XYLT1: variants seen among roughly 807,000 people sequenced by gnomAD.
XYLT1 encodes beta-D-xylosyltransferase 1.
In XYLT1, 36 loss-of-function variants were observed where a neutral mutation model predicts 91.3. That is an observed-to-expected ratio of 0.39 (90% CI 0.30 to 0.52). The LOEUF (loss-of-function observed/expected upper bound fraction) is 0.52. Ranked by LOEUF, XYLT1 falls within the 20% of genes least tolerant of loss-of-function variation. XYLT1 has a pLI of 0.68. For missense variants in XYLT1, 1,242 were observed against 1,284.5 expected, an observed-to-expected ratio of 0.97 and a Z score of 0.51; for synonymous variants, 588 against 532.0, an observed-to-expected ratio of 1.11 and a Z score of -1.45.
At chr16:17,137,326 C>T (rs2030772111) in intron 8 of XYLT1, among the ~76,000 whole-genome samples, 1 of 152,176 alleles carries the variant, frequency 6.6e-6, no homozygotes, top group Non-Finnish European at 1.5e-5. Context: ...GGAGATCAAA[C>T]ACAAACAAAC....
At chr16:17,334,676 A>G (rs1312694406) in intron 2 of XYLT1, among the ~76,000 whole-genome samples, 6 of 152,168 alleles carry the variant, frequency 3.9e-5, no homozygotes, top group African/African-American at 1.4e-4. Flanking sequence ...TTAAAAAAAG[A>G]TCTACTATTA....
At chr16:17,405,795 G>A (rs1163027465) in intron 1 of XYLT1, among the ~76,000 whole-genome samples, 1 of 152,196 alleles carries the variant, frequency 6.6e-6, no homozygotes, top group Non-Finnish European at 1.5e-5. Flanking sequence ...TGATGAGAGT[G>A]AAAAGAAGGG....
At chr16:17,110,438 G>T (rs71380520) in intron 11 of XYLT1, among the ~76,000 whole-genome samples, 61 of 152,292 alleles carry the variant, frequency 4.0e-4, no homozygotes, top group Non-Finnish European at 7.1e-4. Context: ...AGATCTGATG[G>T]TTTTTTAAAG....
intron 2 of XYLT1, among the ~76,000 whole-genome samples, chr16:17,298,971 G>T: frequency 1.3e-5 from 2 of 152,072 alleles, no homozygotes; most frequent in Admixed American, 1.3e-4. Context: ...AATCTACAAT[G>T]TCTATTATTA....
At chr16:17,232,377 G>C (rs2033172927) in intron 3 of XYLT1, among the ~76,000 whole-genome samples, 2 of 141,810 alleles carry the variant, frequency 1.4e-5, no homozygotes, top group African/African-American at 5.2e-5. Context: ...GAAACATACA[G>C]TGCATGACTG....
rs74593986 is a variant in XYLT1, at chr16:17,314,241, C to T, written c.402+43771G>A. 3.4e-4 allele frequency among the ~76,000 whole-genome samples: 52 copies of T among 152,250 alleles called. 1 individual carries two copies. Among genetic ancestry groups the T allele is most frequent in the Admixed American group, 6.5e-4 (10 of 15,296 alleles). On this transcript the variant is annotated intron_variant, in intron 2 of 11. Coordinates refer to ENST00000261381, the MANE Select transcript of XYLT1 (RefSeq NM_022166.4). ...CTTGTGTGTGGCCCTTAAGTTAACA[C>T]GTCACTGGCTCCCCAGCAGGGAACC...
intron 1 of XYLT1, among the ~76,000 whole-genome samples, chr16:17,391,042 G>GA (rs1383158484): frequency 9.3e-5 from 14 of 150,366 alleles, no homozygotes; most frequent in African/African-American, 2.2e-4. Context: ...CTTCTCAAAA[G>GA]AAAAAAAACA....
At chr16:17,150,254 G>C (rs1013273098) in intron 6 of XYLT1, among the ~76,000 whole-genome samples, 2 of 152,130 alleles carry the variant, frequency 1.3e-5, no homozygotes, top group African/African-American at 2.4e-5. Flanking sequence ...TCAGGCCCAC[G>C]GTAGGCTGTG....
intron 10 of XYLT1, among the ~76,000 whole-genome samples, chr16:17,123,731 ACTTT>A (rs1192503963): frequency 6.6e-5 from 10 of 152,056 alleles, no homozygotes; most frequent in African/African-American, 1.9e-4. Flanking sequence ...TTCTTTATTG[ACTTT>A]CTGTCTTGAT....
chr16:17,374,634 T>G (rs1045592304), intron 1 of XYLT1, among the ~76,000 whole-genome samples: 2 of 117,476 alleles, frequency 1.7e-5, no homozygotes, highest in Non-Finnish European at 3.5e-5. Context: ...GTATTGTTAT[T>G]ACAGACAGAA....
intron 1 of XYLT1, among the ~76,000 whole-genome samples, chr16:17,361,315 C>A (rs1196704096): frequency 2.0e-5 from 3 of 152,146 alleles, no homozygotes; most frequent in Admixed American, 1.3e-4. Flanking sequence ...CAGCCACGCC[C>A]CGCCTAGATC....
At chr16:17,341,499 G>A (rs1192971777) in intron 2 of XYLT1, among the ~76,000 whole-genome samples, 2 of 152,172 alleles carry the variant, frequency 1.3e-5, no homozygotes, top group African/African-American at 4.8e-5. Context: ...CCATTTCAAG[G>A]AAACAGGTTC....
At chr16:17,410,432 G>A (rs1454868356) in intron 1 of XYLT1, among the ~76,000 whole-genome samples, 1 of 152,170 alleles carries the variant, frequency 6.6e-6, no homozygotes, top group Non-Finnish European at 1.5e-5. Flanking sequence ...AGCAGACAAG[G>A]GAAGAGAGAG....
intron 1 of XYLT1, among the ~76,000 whole-genome samples, chr16:17,416,387 A>G (rs545376008): frequency 2.9e-4 from 44 of 152,336 alleles, no homozygotes; most frequent in African/African-American, 1.0e-3. Flanking sequence ...TATTTGGGGA[A>G]AAGTATAAAC....
At chr16:17,238,910 G>C (rs1435479276) in intron 3 of XYLT1, among the ~76,000 whole-genome samples, 2 of 152,198 alleles carry the variant, frequency 1.3e-5, no homozygotes, top group Admixed American at 6.5e-5. Flanking sequence ...CATGATATGA[G>C]GTAGGGCAGT....
chr16:17,406,383 T>A (rs2036033010), intron 1 of XYLT1, among the ~76,000 whole-genome samples: 1 of 152,208 alleles, frequency 6.6e-6, no homozygotes. Flanking sequence ...GCTGTGTGAC[T>A]TAGAGCACAC....
Position 17,379,763 on chromosome 16 carries a change from T to TCTCTCACACA in XYLT1, c.364-21714_364-21713insTGTGTGAGAG, listed in dbSNP as rs373354877. Reference sequence around the variant, plus strand: ...CTCTCTCTCTCTCTCTCTCTCTCTCTCACACACACACACACACACACACAC... The same window carrying TCTCTCACACA: ...CTCTCTCTCTCTCTCTCTCTCTCTCTCTCTCACACACACACACACACACACACACACACAC... On this transcript the variant is annotated intron_variant, in intron 1 of 11. Coordinates refer to ENST00000261381, the MANE Select transcript of XYLT1 (RefSeq NM_022166.4). 3.3e-3 allele frequency among the ~76,000 whole-genome samples: 415 copies of TCTCTCACACA among 125,576 alleles called. 7 individuals are homozygous for TCTCTCACACA. The highest frequency in any genetic ancestry group is 0.027 in the Admixed American group (332 of 12,446). 82.4% of individuals were successfully genotyped at this position (125,576 alleles called of 152,430 possible). A position where few individuals can be genotyped will look rare whatever the true frequency, so the allele number is the denominator to read the frequency against.
At chr16:17,242,985 G>A (rs1309959551) in intron 3 of XYLT1, among the ~76,000 whole-genome samples, 1 of 152,192 alleles carries the variant, frequency 6.6e-6, no homozygotes, top group Non-Finnish European at 1.5e-5. Flanking sequence ...CACTGTATGT[G>A]TAGACCACAT....
chr16:17,149,505 T>G (rs942511641), intron 6 of XYLT1, among the ~76,000 whole-genome samples: 3 of 152,196 alleles, frequency 2.0e-5, no homozygotes, highest in Non-Finnish European at 2.9e-5. Context: ...TGAATCTAGA[T>G]TACTCCTTCA....
Sources: gnomAD v4.1 joint callset for allele counts (sites outside exome capture counted in the v4.1 genomes callset) on GRCh38, gnomAD v4.1.1 for gene constraint, MANE v1.5 for transcripts, NCBI Gene and HGNC (gene_info 2026-07-23, HGNC 2026-07-21) for gene names.